DNAJC3: variants seen among roughly 807,000 people sequenced by gnomAD.
DNAJC3 encodes the protein dnaJ homolog subfamily C member 3.
Under a neutral mutation model 68.6 loss-of-function variants are expected in DNAJC3, and 38 were observed. The ratio of observed to expected loss-of-function variants is 0.55; its 90% CI spans 0.43 to 0.73. DNAJC3 has a LOEUF of 0.73. Ranked by LOEUF, DNAJC3 falls within the 30% of genes least tolerant of loss-of-function variation. DNAJC3 has a pLI of 0.00. For synonymous variants in DNAJC3, 203 were observed against 204.0 expected, an observed-to-expected ratio of 1.00 and a Z score of 0.04; for missense variants, 526 against 591.9, an observed-to-expected ratio of 0.89 and a Z score of 1.16.
chr13:95,697,807 T>TTTTTTTA (rs1880487377), intron 1 of DNAJC3, among the ~76,000 whole-genome samples: 1 of 136,512 alleles, frequency 7.3e-6, no homozygotes, highest in African/African-American at 3.0e-5. Flanking sequence ...TTTTTTTTTT[T>TTTTTTTA]AAAGACATCT....
chr13:95,712,336 A>G (rs1051557971), intron 2 of DNAJC3, among the ~76,000 whole-genome samples: 4 of 151,534 alleles, frequency 2.6e-5, no homozygotes, highest in Non-Finnish European at 5.9e-5. Flanking sequence ...ACTACTTGTA[A>G]TCAACATTCT....
intron 9 of DNAJC3, among the ~76,000 whole-genome samples, chr13:95,772,671 GAAGT>G (rs907534005): frequency 6.6e-5 from 10 of 152,134 alleles, no homozygotes; most frequent in Admixed American, 3.9e-4. Context: ...CTTACTTTGT[GAAGT>G]AAGCATTCTG....
chr13:95,711,453 G>A (rs1206637259), intron 2 of DNAJC3, among the ~76,000 whole-genome samples: 1 of 151,976 alleles, frequency 6.6e-6, no homozygotes, highest in African/African-American at 2.4e-5. Flanking sequence ...AGCCAAGATC[G>A]CACCATTGCA....
At chr13:95,682,483 T>TA (rs1014315393) in intron 1 of DNAJC3, among the ~76,000 whole-genome samples, 2 of 152,086 alleles carry the variant, frequency 1.3e-5, no homozygotes, top group African/African-American at 2.4e-5. Context: ...CCTTTAAGTT[T>TA]AAAAAAATCC....
intron 2 of DNAJC3, among the ~76,000 whole-genome samples, chr13:95,721,640 GTT>G (rs59951052): frequency 2.2e-5 from 3 of 136,446 alleles, no homozygotes; most frequent in African/African-American, 5.3e-5. Flanking sequence ...CAATGTGTGT[GTT>G]TTTTTTTTTT....
At chr13:95,781,971 C>T (rs1397032134) in intron 9 of DNAJC3, among the ~76,000 whole-genome samples, 1 of 152,120 alleles carries the variant, frequency 6.6e-6, no homozygotes, top group African/African-American at 2.4e-5. Context: ...TACCTCCCCA[C>T]GGGCCCTGGT....
intron 9 of DNAJC3, among the ~76,000 whole-genome samples, chr13:95,783,978 A>G (rs1217164001): frequency 6.6e-6 from 1 of 151,982 alleles, no homozygotes; most frequent in Non-Finnish European, 1.5e-5. Context: ...CCGAGGCTCC[A>G]CCCCAGTGCA....
At chr13:95,679,199 C>CTTTTTTTTTTTTTTTTTTTTTTTTTTTTT (rs3086610) in intron 1 of DNAJC3, among the ~76,000 whole-genome samples, 5 of 108,416 alleles carry the variant, frequency 4.6e-5, no homozygotes, top group Non-Finnish European at 7.0e-5. Context: ...AAAATCAGCA[C>CTTTTTTTTTTTTTTTTTTTTTTTTTTTTT]TTTTTTTTTT....
chr13:95,786,199 TAAC>T lies in DNAJC3; in HGVS notation c.1208+130_1208+132del, dbSNP rs1883597774. On this transcript the variant is annotated intron_variant, in intron 10 of 11. Coordinates refer to ENST00000602402, the MANE Select transcript of DNAJC3 (RefSeq NM_006260.5). ...AATTTCAGTCATATGGATTAAACCTTAACAGTCTTTAACATTAGAAAGCTACTT... is the reference window on the plus strand; with the variant it reads ...AATTTCAGTCATATGGATTAAACCTTAGTCTTTAACATTAGAAAGCTACTT... The T allele has an allele frequency of 9.1e-6, 9 of 987,606 alleles. No individual in the cohort carries two copies. The South Asian group carries it at 1.8e-4, about 20-fold the overall frequency. The allele number at this position is 987,606 out of a possible 1,614,324, so 61.2% of individuals were successfully genotyped here. A position where few individuals can be genotyped will look rare whatever the true frequency, so the allele number is the denominator to read the frequency against.
chr13:95,728,171 G>T (rs544378670), intron 4 of DNAJC3, among the ~76,000 whole-genome samples: 1 of 152,100 alleles, frequency 6.6e-6, no homozygotes, highest in Non-Finnish European at 1.5e-5. Flanking sequence ...GAACATTCTC[G>T]TACAGATGTT....
At chr13:95,735,488 T>C (rs1881878636) in intron 4 of DNAJC3, among the ~76,000 whole-genome samples, 1 of 146,662 alleles carries the variant, frequency 6.8e-6, no homozygotes, top group Non-Finnish European at 1.5e-5. Context: ...ACCTGTTGTT[T>C]CCTGACTTTT....
chr13:95,776,638 G>A (rs754784353), intron 9 of DNAJC3, among the ~76,000 whole-genome samples: 2 of 152,146 alleles, frequency 1.3e-5, no homozygotes, highest in African/African-American at 4.8e-5. Context: ...AGGAAAGTTT[G>A]TATTTTTGTA....
At chr13:95,725,115 T>C in intron 3 of DNAJC3, 63 bp from the exon 4 acceptor site, 1 of 1,116,214 alleles carries the variant, frequency 9.0e-7, no homozygotes, top group Non-Finnish European at 1.2e-6. Context: ...TTATTCTTCG[T>C]GTTTAAAAAA....
chr13:95,744,879 TA>T (rs1882255954), intron 4 of DNAJC3: 2 of 152,162 alleles, frequency 1.3e-5, no homozygotes. Context: ...CACTGGTCAT[TA>T]AGTTGAGCAA....
chr13:95,714,365 A>G (rs891567861), intron 2 of DNAJC3, among the ~76,000 whole-genome samples: 9 of 151,686 alleles, frequency 5.9e-5, no homozygotes, highest in South Asian at 4.2e-4. Context: ...AGCCTGGGCA[A>G]TGGAGTGAGA....
intron 1 of DNAJC3, chr13:95,692,918 A>T (rs1566469367): frequency 6.6e-6 from 1 of 151,898 alleles, no homozygotes; most frequent in South Asian, 2.1e-4. Flanking sequence ...CCTCCCGGAT[A>T]CATGCCATTC....
chr13:95,724,810 A>G (rs927474199), intron 3 of DNAJC3, among the ~76,000 whole-genome samples: 1 of 152,226 alleles, frequency 6.6e-6, no homozygotes, highest in Non-Finnish European at 1.5e-5. Context: ...GCACATATCA[A>G]TATGTCATTC....
rs543908088 is a variant in DNAJC3, at chr13:95,711,473, G to T, written c.193+2136G>T. Among the ~76,000 whole-genome samples the T allele has an allele frequency of 2.6e-5, 4 of 151,922 alleles. No homozygotes were observed. The East Asian group carries it at 7.7e-4, about 29-fold the overall frequency. On this transcript the variant is annotated intron_variant, in intron 2 of 11. Coordinates refer to ENST00000602402, the MANE Select transcript of DNAJC3 (RefSeq NM_006260.5). ...AGATCGCACCATTGCACTCTAGCCT[G>T]GGTGGCAGAGTGAGACTCCATCTCA...
At chr13:95,750,216 A>C (rs1882430776) in intron 4 of DNAJC3, among the ~76,000 whole-genome samples, 1 of 150,874 alleles carries the variant, frequency 6.6e-6, no homozygotes, top group Non-Finnish European at 1.5e-5. Context: ...CAATCTCTTC[A>C]ATAAATGGCT....
Sources: allele counts gnomAD v4.1 joint callset (sites outside exome capture counted in the v4.1 genomes callset), GRCh38; gene constraint gnomAD v4.1.1; transcripts MANE v1.5; gene names NCBI Gene and HGNC (gene_info 2026-07-23, HGNC 2026-07-21).